The following FAM83B variants were observed in gnomAD, a reference collection of about 807,000 sequenced individuals.
The protein encoded by FAM83B is scaffolding CK1 anchoring protein B, also known as protein FAM83B.
In FAM83B, 26 loss-of-function variants were observed where a neutral mutation model predicts 38.8. The ratio of observed to expected loss-of-function variants is 0.67; its 90% CI spans 0.49 to 0.93. The LOEUF is 0.93. FAM83B is among the 40% of genes least tolerant of loss of function. The pLI is 0.00. For synonymous variants in FAM83B, 419 were observed against 423.1 expected, an observed-to-expected ratio of 0.99 and a Z score of 0.12; for missense variants, 1,237 against 1,197.3, an observed-to-expected ratio of 1.03 and a Z score of -0.49.
chr6:54,876,474 A>T (rs901516945), intron 2 of FAM83B, among the ~76,000 whole-genome samples: 1 of 150,670 alleles, frequency 6.6e-6, no homozygotes. Flanking sequence ...ATAGGCACCC[A>T]TCACCACGCC....
chr6:54,875,363 A>G (rs9475051), intron 2 of FAM83B, among the ~76,000 whole-genome samples: 3,409 of 152,248 alleles, frequency 0.022, 130 homozygotes, highest in African/African-American at 0.078. Flanking sequence ...TCATTAGACT[A>G]GAATGGTCTC....
intron 1 of FAM83B, among the ~76,000 whole-genome samples, chr6:54,849,179 T>C (rs1433238683): frequency 6.6e-6 from 1 of 152,208 alleles, no homozygotes; most frequent in Non-Finnish European, 1.5e-5. Context: ...GATAAAAAGT[T>C]GTACAAATAG....
chr6:54,929,840 A>G (rs1345213985), intron 4 of FAM83B, among the ~76,000 whole-genome samples: 2 of 152,040 alleles, frequency 1.3e-5, no homozygotes, highest in Non-Finnish European at 2.9e-5. Flanking sequence ...TTTTTAATCC[A>G]TGAAAATATT....
chr6:54,937,734 C>T (rs988973837), intron 4 of FAM83B, among the ~76,000 whole-genome samples: 1 of 152,110 alleles, frequency 6.6e-6, no homozygotes. Context: ...CAGCAGAAAC[C>T]AGGCCTCTTG....
chr6:54,943,161 A>T lies in FAM83B; in HGVS notation c.*1154A>T, dbSNP rs1303834270. 2.0e-5 allele frequency: 3 copies of T among 152,210 alleles called. No individual in the cohort carries two copies. The highest frequency in any genetic ancestry group is 2.9e-5 in the Non-Finnish European group (2 of 68,084). 9.4% of individuals were successfully genotyped at this position (152,210 alleles called of 1,614,324 possible). On this transcript the variant is annotated 3_prime_UTR_variant, in exon 5 of 5. Transcript: ENST00000306858. The stretch of plus-strand genomic sequence containing the variant: ...CGTGATCCTCCCGCCTCGGCCTCCC[A>T]GAGTGCTGGGATTACAGGTCTTGCT...
intron 2 of FAM83B, among the ~76,000 whole-genome samples, chr6:54,876,018 C>T (rs546954853): frequency 3.4e-4 from 51 of 152,042 alleles, no homozygotes; most frequent in South Asian, 2.5e-3. Context: ...ACACCAAAGT[C>T]GTCAGTAACT....
intron 2 of FAM83B, among the ~76,000 whole-genome samples, chr6:54,887,118 T>C (rs1772296048): frequency 6.6e-6 from 1 of 152,334 alleles, no homozygotes; most frequent in South Asian, 2.1e-4. Flanking sequence ...TCAGCCTGTG[T>C]TGCATTTGGT....
chr6:54,894,433 C>T (rs1408966660), intron 2 of FAM83B, among the ~76,000 whole-genome samples: 1 of 152,114 alleles, frequency 6.6e-6, no homozygotes, highest in Non-Finnish European at 1.5e-5. Context: ...ATATGATACG[C>T]ATTCTGTAAC....
At chr6:54,864,499 C>T (rs929133521) in intron 1 of FAM83B, among the ~76,000 whole-genome samples, 20 of 152,082 alleles carry the variant, frequency 1.3e-4, no homozygotes, top group African/African-American at 4.3e-4. Flanking sequence ...AATATCATGC[C>T]GTGCAGATGA....
rs60517516 is a variant in FAM83B, at chr6:54,926,606, C to T, written c.609+71C>T. On this transcript the variant is annotated intron_variant, in intron 3 of 4. Transcript: ENST00000306858. ...TTCAACTCAGTCAAATGTAAGGCAT[C>T]TTAAGGTAGATGAATATAAAACTGA... 6,711 of 1,200,016 alleles carry T rather than the reference C, an allele frequency of 5.6e-3. 273 individuals are homozygous for T. The African/African-American group carries it at 0.083, about 15-fold the overall frequency. 74.3% of individuals were successfully genotyped at this position (1,200,016 alleles called of 1,614,324 possible).
Position 54,944,170 on chromosome 6 carries a change from G to A in FAM83B, c.*2163G>A, listed in dbSNP as rs762341328. ...CCAAAACCTCTCCAGGGATAAGACTGAGCAAGAATATAATACTTCAAAAAA... is the reference window on the plus strand; with the variant it reads ...CCAAAACCTCTCCAGGGATAAGACTAAGCAAGAATATAATACTTCAAAAAA... On this transcript the variant is annotated 3_prime_UTR_variant, in exon 5 of 5. Transcript: ENST00000306858. 3 of 152,066 alleles carry A rather than the reference G, an allele frequency of 2.0e-5. No individual in the cohort carries two copies. The highest frequency in any genetic ancestry group is 4.4e-5 in the Non-Finnish European group (3 of 68,024). The allele number at this position is 152,066 out of a possible 1,614,324, so 9.4% of individuals were successfully genotyped here.
intron 2 of FAM83B, among the ~76,000 whole-genome samples, chr6:54,898,726 T>C (rs1029676076): frequency 2.6e-5 from 4 of 152,140 alleles, no homozygotes; most frequent in African/African-American, 9.7e-5. Flanking sequence ...CCTAACCTCA[T>C]CCAAAGTTTT....
rs1773677704 is a variant in FAM83B, at chr6:54,941,143, T to C, written c.2172T>C (p.Val724=). 1.2e-6 allele frequency: 2 copies of C among 1,614,048 alleles called. No homozygotes were observed. Among genetic ancestry groups the C allele is most frequent in the Non-Finnish European group, 8.5e-7 (1 of 1,179,996 alleles). The stretch of plus-strand genomic sequence containing the variant: ...ACTTGGAGGAGGATGAGGAGGAAGT[T>C]ACCAAGAGAAACTCTCCAAGTGGCA... ...THNLEEDEEE[V]TKRNSPSGTT... The change falls in exon 5 of 5, where the codon GTT becomes GTC. Residue 724 remains valine, a synonymous_variant. Coordinates refer to ENST00000306858, the MANE Select transcript of FAM83B (RefSeq NM_001010872.3).
intron 2 of FAM83B, among the ~76,000 whole-genome samples, chr6:54,887,521 G>C (rs1412361033): frequency 6.6e-6 from 1 of 151,556 alleles, no homozygotes; most frequent in East Asian, 1.9e-4. Flanking sequence ...TTTTCACTTT[G>C]GTTTTTTTGT....
chr6:54,933,705 C>T lies in FAM83B; in HGVS notation c.735-6001C>T, dbSNP rs371485853. On this transcript the variant is annotated intron_variant, in intron 4 of 4. Coordinates refer to ENST00000306858, the MANE Select transcript of FAM83B (RefSeq NM_001010872.3). ...ACCTTTCAAATCTTTTCTGACCTCT[C>T]GTTCCTTTGGTGTCTGCCCATGGAA... is the stretch of plus-strand genomic sequence containing the variant. 7.9e-5 allele frequency among the ~76,000 whole-genome samples: 12 copies of T among 152,212 alleles called. No homozygotes were observed. The East Asian group carries it at 1.4e-3, about 17-fold the overall frequency.
chr6:54,939,715 G>C lies in FAM83B; in HGVS notation c.744G>C (p.Trp248Cys). ...KVMYGSYSYM[W>C]SFEKAHLSMV... ...CCATTTTTTTCCCCAGTTATATGTGGTCATTTGAGAAAGCTCACCTCAGCA... is the reference window on the plus strand; with the variant it reads ...CCATTTTTTTCCCCAGTTATATGTGCTCATTTGAGAAAGCTCACCTCAGCA... Residue 248 changes from tryptophan to cysteine, a missense_variant, in exon 5 of 5, where the codon TGG becomes TGC. Physicochemically the swap from Trp to Cys is radical, Grantham distance 215. Coordinates refer to ENST00000306858, the MANE Select transcript of FAM83B (RefSeq NM_001010872.3). 2 of 1,585,180 alleles carry C rather than the reference G, an allele frequency of 1.3e-6. No individual in the cohort carries two copies. The highest frequency in any genetic ancestry group is 1.7e-6 in the Non-Finnish European group (2 of 1,168,122).
chr6:54,860,620 A>G (rs1314337469), intron 1 of FAM83B, among the ~76,000 whole-genome samples: 1 of 152,222 alleles, frequency 6.6e-6, no homozygotes, highest in Non-Finnish European at 1.5e-5. Flanking sequence ...GAACCCAGAA[A>G]TAGACCCTCC....
chr6:54,875,431 A>G (rs1383599949), intron 2 of FAM83B, among the ~76,000 whole-genome samples: 1 of 151,926 alleles, frequency 6.6e-6, no homozygotes, highest in Admixed American at 6.6e-5. Context: ...CCCTGTCCCA[A>G]CTCTCACCGT....
intron 2 of FAM83B, among the ~76,000 whole-genome samples, chr6:54,885,389 G>C (rs1419715263): frequency 6.6e-6 from 1 of 151,588 alleles, no homozygotes; most frequent in African/African-American, 2.4e-5. Flanking sequence ...TGATCCTGTT[G>C]GAAATATTTT....
Sources: allele counts gnomAD v4.1 joint callset (sites outside exome capture counted in the v4.1 genomes callset), GRCh38; gene constraint gnomAD v4.1.1; transcripts MANE v1.5; gene names NCBI Gene and HGNC (gene_info 2026-07-23, HGNC 2026-07-21).